The following VWA2 variants were observed in gnomAD, a reference collection of about 807,000 sequenced individuals.
VWA2 encodes von Willebrand factor A domain-containing protein 2.
Under a neutral mutation model 70.4 loss-of-function variants are expected in VWA2, and 73 were observed. The ratio of observed to expected loss-of-function variants is 1.04; its 90% CI spans 0.86 to 1.26. VWA2 has a LOEUF of 1.26. VWA2 is among the 50% of genes most tolerant of loss of function. The probability of loss-of-function intolerance (pLI) is 0.00; values close to 1 mark genes in which losing one functional copy is unlikely to be tolerated. For missense variants in VWA2, 1,011 were observed against 998.5 expected, an observed-to-expected ratio of 1.01 and a Z score of -0.17; for synonymous variants, 407 against 423.3, an observed-to-expected ratio of 0.96 and a Z score of 0.47.
intron 10 of VWA2, 91 bp from the exon 11 acceptor site, chr10:114,285,848 C>G: frequency 1.5e-6 from 2 of 1,341,280 alleles, no homozygotes; most frequent in Non-Finnish European, 2.0e-6. Context: ...TGCACCATCT[C>G]CCTCCTGGGA....
At chr10:114,252,806 C>T (rs1461116059) in intron 2 of VWA2, among the ~76,000 whole-genome samples, 1 of 152,024 alleles carries the variant, frequency 6.6e-6, no homozygotes, top group Admixed American at 6.5e-5. Flanking sequence ...ACCATGTTGG[C>T]CAGGCTGGTC....
At chr10:114,258,819 A>G (rs1394263331) in intron 4 of VWA2, among the ~76,000 whole-genome samples, 2 of 152,190 alleles carry the variant, frequency 1.3e-5, no homozygotes, top group Non-Finnish European at 2.9e-5. Context: ...CTCTCTTATT[A>G]CACAAAGCGT....
At chr10:114,287,539 TCTG>T (rs1294094284) in intron 11 of VWA2, among the ~76,000 whole-genome samples, 1 of 152,118 alleles carries the variant, frequency 6.6e-6, no homozygotes, top group Non-Finnish European at 1.5e-5. Flanking sequence ...CAGATGTGAT[TCTG>T]CTTCTCAGCC....
intron 2 of VWA2, among the ~76,000 whole-genome samples, chr10:114,250,085 C>T (rs2037163961): frequency 6.6e-6 from 1 of 152,192 alleles, no homozygotes; most frequent in Non-Finnish European, 1.5e-5. Flanking sequence ...CTGGGACCTC[C>T]AGATCAAGTC....
intron 11 of VWA2, among the ~76,000 whole-genome samples, chr10:114,287,577 C>T (rs564849298): frequency 3.3e-5 from 5 of 152,148 alleles, no homozygotes; most frequent in East Asian, 1.9e-4. Flanking sequence ...CTCCCCAAGG[C>T]GAGAGGCTTT....
At chr10:114,283,677 C>T (rs1483085592) in intron 9 of VWA2, among the ~76,000 whole-genome samples, 1 of 152,194 alleles carries the variant, frequency 6.6e-6, no homozygotes, top group Non-Finnish European at 1.5e-5. Context: ...TTTTATAGTT[C>T]CTACCTAAGG....
Position 114,294,203 on chromosome 10 carries a change from T to G in VWA2, c.*2966T>G, listed in dbSNP as rs1309151113. Among the ~76,000 whole-genome samples the G allele has an allele frequency of 1.3e-5, 2 of 152,254 alleles. No individual in the cohort carries two copies. The highest frequency in any genetic ancestry group is 4.8e-5 in the African/African-American group (2 of 41,474). ...CATTTGCCAACATCTTATTTCAGAT[T>G]CTTTTAATCTGTGTCCAACAATGAG... On this transcript the variant is annotated 3_prime_UTR_variant, in exon 14 of 14. Coordinates refer to ENST00000392982, the MANE Select transcript of VWA2 (RefSeq NM_001272046.2).
At chr10:114,259,629 T>G (rs1008636721) in intron 4 of VWA2, among the ~76,000 whole-genome samples, 3 of 152,210 alleles carry the variant, frequency 2.0e-5, no homozygotes, top group Non-Finnish European at 4.4e-5. Context: ...ACTAAAATCT[T>G]GAATTCATTT....
At chr10:114,277,874 TG>T (rs768276241) in intron 6 of VWA2, 39 bp from the exon 7 acceptor site, 1 of 1,554,576 alleles carries the variant, frequency 6.4e-7, no homozygotes, top group East Asian at 2.3e-5. Flanking sequence ...AGGAGGAGGG[TG>T]GGTATAGGAC....
chr10:114,278,061 G>T lies in VWA2; in HGVS notation c.700+14G>T, dbSNP rs201865434. 80 of 1,603,940 alleles carry T rather than the reference G, an allele frequency of 5.0e-5. No homozygotes were observed. Among genetic ancestry groups the T allele is most frequent in the Non-Finnish European group, 1.3e-5 (15 of 1,172,402 alleles). On this transcript the variant is annotated intron_variant, in intron 7 of 13. Transcript: ENST00000392982. The stretch of plus-strand genomic sequence containing the variant: ...GCGCCACGCCAGGTAAGATCTTCCA[G>T]CCTGGAGGGAGTGGAAGTGCCATGT...
At chr10:114,288,780 C>G (rs1166204823) in intron 11 of VWA2, among the ~76,000 whole-genome samples, 158 bp from the exon 12 acceptor site, 1 of 152,202 alleles carries the variant, frequency 6.6e-6, no homozygotes, top group Non-Finnish European at 1.5e-5. Flanking sequence ...TAGGAAAGTG[C>G]TGTTCTGTGG....
At chr10:114,256,994 G>A (rs1038473736) in intron 4 of VWA2, among the ~76,000 whole-genome samples, 1 of 151,948 alleles carries the variant, frequency 6.6e-6, no homozygotes, top group African/African-American at 2.4e-5. Context: ...GTTGCATACA[G>A]GTTGAGGAAG....
Position 114,261,195 on chromosome 10 carries a change from G to A in VWA2, c.271G>A (p.Gly91Arg). The A allele has an allele frequency of 6.2e-7, 1 of 1,613,306 alleles. No individual in the cohort carries two copies. Among genetic ancestry groups the A allele is most frequent in the Non-Finnish European group, 8.5e-7 (1 of 1,179,410 alleles). Residue 91 changes from glycine to arginine, a missense_variant, in exon 5 of 14, where the codon GGA (glycine) becomes AGA (arginine). Physicochemically the swap from Gly to Arg is moderately radical, Grantham distance 125. Coordinates refer to ENST00000392982, the MANE Select transcript of VWA2 (RefSeq NM_001272046.2). Reference sequence around the variant, plus strand: ...CTGTCTCCTACTGCAGGTCAGAGTGGGAGCATTCCAGTTCAGTTCCACTCC... The same window carrying A: ...CTGTCTCCTACTGCAGGTCAGAGTGAGAGCATTCCAGTTCAGTTCCACTCC... Reference protein sequence around the residue: ...LDISPERVRVGAFQFSSTPHL... With the variant: ...LDISPERVRVRAFQFSSTPHL...
intron 4 of VWA2, among the ~76,000 whole-genome samples, chr10:114,257,210 A>G (rs1339251678): frequency 1.3e-5 from 2 of 152,180 alleles, no homozygotes; most frequent in East Asian, 3.9e-4. Context: ...CAAGCAGCCC[A>G]GAAGATTTCT....
At chr10:114,265,763 G>C (rs2037548470) in intron 5 of VWA2, among the ~76,000 whole-genome samples, 2 of 152,218 alleles carry the variant, frequency 1.3e-5, no homozygotes, top group South Asian at 4.1e-4. Context: ...TTATGTGTCT[G>C]AACAAGGTCT....
At chr10:114,277,775 T>C (rs916183154) in intron 6 of VWA2, 139 bp from the exon 7 acceptor site, 13 of 1,126,728 alleles carry the variant, frequency 1.2e-5, no homozygotes, top group Non-Finnish European at 1.5e-5. Context: ...GGTTAACTGT[T>C]TTCCTCACCA....
intron 1 of VWA2, 42 bp from the exon 2 acceptor site, chr10:114,248,662 A>C: frequency 1.3e-6 from 2 of 1,569,938 alleles, no homozygotes; most frequent in Middle Eastern, 1.7e-4. Context: ...CGTTCACAGA[A>C]CTAATTGCTG....
At chr10:114,270,756 G>T (rs1051649083) in intron 5 of VWA2, among the ~76,000 whole-genome samples, 1 of 152,192 alleles carries the variant, frequency 6.6e-6, no homozygotes, top group African/African-American at 2.4e-5. Context: ...GGGTGTGAGA[G>T]GAGTTGGGGG....
chr10:114,240,694 C>T (rs12219192), intron 1 of VWA2, among the ~76,000 whole-genome samples: 20,383 of 152,204 alleles, frequency 0.13, 2,059 homozygotes, highest in East Asian at 0.53. Flanking sequence ...CTAGAGTTGG[C>T]AAAAGCCACA....
Sources: allele counts gnomAD v4.1 joint callset (sites outside exome capture counted in the v4.1 genomes callset), GRCh38; gene constraint gnomAD v4.1.1; transcripts MANE v1.5; gene names NCBI Gene and HGNC (gene_info 2026-07-23, HGNC 2026-07-21).